N4BP2: variants seen among roughly 807,000 people sequenced by gnomAD.
The protein encoded by N4BP2 is NEDD4-binding protein 2.
In N4BP2, 91 loss-of-function variants were observed where a neutral mutation model predicts 152.8. That is an observed-to-expected ratio of 0.60 (90% CI 0.50 to 0.71). N4BP2 has a LOEUF of 0.71. Ranked by LOEUF, N4BP2 falls within the 30% of genes least tolerant of loss-of-function variation. The pLI, the probability that N4BP2 is intolerant of heterozygous loss-of-function variation, is 0.00. For missense variants in N4BP2, 1,923 were observed against 2,059.1 expected, an observed-to-expected ratio of 0.93 and a Z score of 1.28; for synonymous variants, 646 against 705.3, an observed-to-expected ratio of 0.92 and a Z score of 1.33.
At chr4:40,087,457 G>A (rs181220421) in intron 2 of N4BP2, among the ~76,000 whole-genome samples, 1 of 152,198 alleles carries the variant, frequency 6.6e-6, no homozygotes, top group East Asian at 1.9e-4. Context: ...TCTACCTCCT[G>A]GATTCAAACA....
At chr4:40,071,666 A>G (rs1712197934) in intron 1 of N4BP2, among the ~76,000 whole-genome samples, 1 of 151,954 alleles carries the variant, frequency 6.6e-6, no homozygotes, top group Non-Finnish European at 1.5e-5. Context: ...TCTTGGGTTC[A>G]GGTGATTCTC....
chr4:40,061,330 C>A (rs921331558), intron 1 of N4BP2, among the ~76,000 whole-genome samples: 2 of 150,664 alleles, frequency 1.3e-5, no homozygotes, highest in South Asian at 4.2e-4. Flanking sequence ...CTGCCATGTT[C>A]GGCTAATTTT....
At chr4:40,063,373 A>C (rs1434549436) in intron 1 of N4BP2, among the ~76,000 whole-genome samples, 1 of 152,156 alleles carries the variant, frequency 6.6e-6, no homozygotes, top group South Asian at 2.1e-4. Flanking sequence ...CCTTTTACTG[A>C]AAATATGTTT....
chr4:40,067,148 C>A (rs1264650140), intron 1 of N4BP2, among the ~76,000 whole-genome samples: 4 of 150,708 alleles, frequency 2.7e-5, no homozygotes, highest in African/African-American at 9.8e-5. Context: ...GCCTTGACCT[C>A]CCCAGACTCA....
At chr4:40,089,003 T>G (rs938670493) in intron 2 of N4BP2, among the ~76,000 whole-genome samples, 21 of 152,064 alleles carry the variant, frequency 1.4e-4, no homozygotes, top group Admixed American at 1.2e-3. Flanking sequence ...TAGGCTGGAG[T>G]GCAATGGCAT....
intron 12 of N4BP2, among the ~76,000 whole-genome samples, chr4:40,128,309 G>A (rs73229754): frequency 0.087 from 13,201 of 152,066 alleles, 722 homozygotes; most frequent in Middle Eastern, 0.15. Context: ...TTTATATTTG[G>A]CTGTAATACA....
At chr4:40,070,668 C>A (rs187903905) in intron 1 of N4BP2, among the ~76,000 whole-genome samples, 345 of 151,138 alleles carry the variant, frequency 2.3e-3, no homozygotes, top group Non-Finnish European at 4.0e-3. Context: ...CCAGGCTGGT[C>A]TTAAACTTGT....
intron 16 of N4BP2, among the ~76,000 whole-genome samples, chr4:40,150,714 A>AT (rs779282215): frequency 2.2e-4 from 34 of 151,938 alleles, no homozygotes; most frequent in Non-Finnish European, 3.8e-4. Flanking sequence ...AAATGATCCA[A>AT]TTTTTTTCAA....
chr4:40,122,767 C>T (rs895434166), intron 9 of N4BP2, among the ~76,000 whole-genome samples: 1 of 152,230 alleles, frequency 6.6e-6, no homozygotes, highest in East Asian at 1.9e-4. Flanking sequence ...TACGGATGAA[C>T]CTTTTAAAAT....
the N4BP2 span, among the ~76,000 whole-genome samples, chr4:40,168,792 T>C: frequency 6.6e-6 from 1 of 152,028 alleles, no homozygotes; most frequent in Non-Finnish European, 1.5e-5. Context: ...TGGTGCAGTC[T>C]TGGCTTACTG....
At chr4:40,171,657 C>T in the N4BP2 span, among the ~76,000 whole-genome samples, 1 of 152,098 alleles carries the variant, frequency 6.6e-6, no homozygotes, top group Non-Finnish European at 1.5e-5. Flanking sequence ...TAGATATCTA[C>T]ATAAAGGGGA....
chr4:40,060,470 C>T (rs1178667133), intron 1 of N4BP2, among the ~76,000 whole-genome samples: 1 of 152,094 alleles, frequency 6.6e-6, no homozygotes, highest in Non-Finnish European at 1.5e-5. Flanking sequence ...GTCGTGAACT[C>T]CTGACCTCAG....
intron 12 of N4BP2, 25 bp from the exon 13 acceptor site, chr4:40,131,776 C>T (rs774130829): frequency 8.5e-6 from 13 of 1,535,960 alleles, no homozygotes; most frequent in Non-Finnish European, 1.2e-5. Flanking sequence ...TCATCTTGAA[C>T]ATGATTTTTA....
intron 16 of N4BP2, among the ~76,000 whole-genome samples, chr4:40,151,337 C>A (rs1272352759): frequency 6.6e-6 from 1 of 151,794 alleles, no homozygotes; most frequent in Non-Finnish European, 1.5e-5. Flanking sequence ...TTGGTTGTGA[C>A]CTTGGTTCAC....
chr4:40,140,946 T>C (rs1004498248), intron 14 of N4BP2, among the ~76,000 whole-genome samples: 3 of 150,310 alleles, frequency 2.0e-5, no homozygotes, highest in African/African-American at 7.3e-5. Context: ...CAGAAGAATT[T>C]TTCTTAGTAC....
the N4BP2 span, among the ~76,000 whole-genome samples, chr4:40,181,042 C>G: frequency 6.6e-6 from 1 of 151,904 alleles, no homozygotes; most frequent in Non-Finnish European, 1.5e-5. Context: ...CCCAGCTACT[C>G]GGGAGGCTGA....
intron 10 of N4BP2, 125 bp from the exon 11 acceptor site, chr4:40,124,035 T>G (rs1718171288): frequency 1.7e-6 from 1 of 573,822 alleles, no homozygotes; most frequent in Non-Finnish European, 3.1e-6. Flanking sequence ...TTACTTAGAT[T>G]GAGTAAGAAT....
chr4:40,126,393 TTG>T, intron 12 of N4BP2, 63 bp downstream of exon 12: 2 of 789,074 alleles, frequency 2.5e-6, no homozygotes, highest in Non-Finnish European at 3.8e-6. Context: ...TATGTTTACT[TTG>T]TGATTTTTTC....
At chr4:40,125,907 T>A (rs73229753) in intron 11 of N4BP2, among the ~76,000 whole-genome samples, 908 of 75,924 alleles carry the variant, frequency 0.012, 57 homozygotes, top group Middle Eastern at 0.032. Flanking sequence ...AAAAAAAAAA[T>A]TATACACAGA....
Sources: allele counts gnomAD v4.1 joint callset (sites outside exome capture counted in the v4.1 genomes callset), GRCh38; gene constraint gnomAD v4.1.1; transcripts MANE v1.5; gene names NCBI Gene and HGNC (gene_info 2026-07-23, HGNC 2026-07-21).